Variants in ARHGEF10 observed in about 807,000 individuals in gnomAD.
ARHGEF10 encodes Rho guanine nucleotide exchange factor 10, also known as Rho guanine nucleotide exchange factor (GEF) 10.
ARHGEF10 carries 140 observed loss-of-function variants against 147.4 expected under a neutral mutation model. The ratio of observed to expected loss-of-function variants is 0.95; its 90% CI spans 0.83 to 1.09. ARHGEF10 has a LOEUF of 1.09. Among genes scored for constraint, ARHGEF10 ranks in the 50% least tolerant of loss-of-function variants. ARHGEF10 has a pLI of 0.00. For synonymous variants in ARHGEF10, 902 were observed against 695.8 expected, an observed-to-expected ratio of 1.30 and a Z score of -4.67; for missense variants, 2,222 against 1,752.7, an observed-to-expected ratio of 1.27 and a Z score of -4.78.
chr8:1,953,889 T>G (rs1815263160), intron 28 of ARHGEF10, among the ~76,000 whole-genome samples: 1 of 152,208 alleles, frequency 6.6e-6, no homozygotes, highest in East Asian at 1.9e-4. Flanking sequence ...AGAGCAGAAC[T>G]GTTCCTACGG....
chr8:1,842,040 ACT>A (rs1804127215), intron 1 of ARHGEF10, among the ~76,000 whole-genome samples: 1 of 118,848 alleles, frequency 8.4e-6, no homozygotes, highest in Non-Finnish European at 1.9e-5. Context: ...CGCGGCGGGA[ACT>A]GGGGCCGCGG....
chr8:1,887,712 G>T (rs185550595), intron 11 of ARHGEF10, among the ~76,000 whole-genome samples: 3 of 151,402 alleles, frequency 2.0e-5, no homozygotes, highest in Admixed American at 2.0e-4. Flanking sequence ...TGGGATGAGG[G>T]TTTGTGAGAA....
intron 11 of ARHGEF10, among the ~76,000 whole-genome samples, chr8:1,891,528 A>G (rs1006372479): frequency 2.6e-5 from 4 of 152,282 alleles, no homozygotes; most frequent in Admixed American, 2.0e-4. Flanking sequence ...TGAGGACATG[A>G]GGAAGGTCAG....
rs754314722 is a variant in ARHGEF10, at chr8:1,864,413, G to C, written c.522G>C (p.Leu174=). The C allele has an allele frequency of 7.2e-5, 116 of 1,614,020 alleles. No individual in the cohort carries two copies. The highest frequency in any genetic ancestry group is 9.3e-5 in the Non-Finnish European group (110 of 1,180,012). ...EVTEDRQPNS[L]SSEEPPTSED... Reference sequence around the variant, plus strand: ...CAGAAGATCGCCAGCCCAATTCTCTGAGTTCCGAGGAGCCTCCAACCAGGT... The same window carrying C: ...CAGAAGATCGCCAGCCCAATTCTCTCAGTTCCGAGGAGCCTCCAACCAGGT... Residue 174 remains leucine (L), a synonymous_variant, in exon 5 of 29, where the codon CTG becomes CTC. Transcript: ENST00000349830.
intron 26 of ARHGEF10, among the ~76,000 whole-genome samples, chr8:1,935,910 C>T (rs1019678660): frequency 6.6e-6 from 1 of 152,236 alleles, no homozygotes; most frequent in African/African-American, 2.4e-5. Context: ...CTGCGGAACA[C>T]TGTCCGAGCT....
chr8:1,888,761 G>T lies in ARHGEF10; in HGVS notation c.1182+3054G>T, dbSNP rs140975606. ...GTGAGGAGACACTGAATAGGGTGAGGTTTGTGAGGAGACACTGAGTGGGGT... is the reference window on the plus strand; with the variant it reads ...GTGAGGAGACACTGAATAGGGTGAGTTTTGTGAGGAGACACTGAGTGGGGT... On this transcript the variant is annotated intron_variant, in intron 11 of 28. Transcript: ENST00000349830. Among the ~76,000 whole-genome samples the T allele has an allele frequency of 3.2e-3, 196 of 60,716 alleles. 25 individuals are homozygous for T. The highest frequency in any genetic ancestry group is 7.1e-3 in the Middle Eastern group (1 of 140). The allele number at this position is 60,716 out of a possible 152,430, so 39.8% of individuals were successfully genotyped here.
chr8:1,832,829 C>G (rs1426997891), intron 1 of ARHGEF10, among the ~76,000 whole-genome samples: 4 of 51,308 alleles, frequency 7.8e-5, no homozygotes, highest in Admixed American at 4.6e-4. Flanking sequence ...GAGAGAGAGG[C>G]AGAGGCAGAG....
rs532662958 is a variant in ARHGEF10 at position 1,835,808 on chromosome 8, C to T, written c.-47-7545C>T. ...TATAGAAGGTGGGGCTGCGGCCTGA[C>T]GCACACGGCATGAAACGGTCCTTCA... is the stretch of plus-strand genomic sequence containing the variant. On this transcript the variant is annotated intron_variant, in intron 1 of 28. Coordinates refer to ENST00000349830, the MANE Select transcript of ARHGEF10 (RefSeq NM_014629.4). Among the ~76,000 whole-genome samples the T allele has an allele frequency of 1.3e-4, 20 of 152,318 alleles. No homozygotes were observed. In the South Asian group the frequency reaches 3.1e-3, roughly 24 times the overall value.
Position 1,952,760 on chromosome 8 carries a change from C to A in ARHGEF10, c.3453C>A (p.Val1151=), listed in dbSNP as rs766559600. ...SLLVCHGLLM[V]GTSLGVLVAL... ...TCGTCTGCCACGGATTGCTGATGGT[C>A]GGCACCAGCCTGGGAGTCCTCGTGG... Residue 1151 remains valine (V), a synonymous_variant, in exon 28 of 29, where the codon GTC becomes GTA. Coordinates refer to ENST00000349830, the MANE Select transcript of ARHGEF10 (RefSeq NM_014629.4). 5 of 1,613,298 alleles carry A rather than the reference C, an allele frequency of 3.1e-6. No homozygotes were observed. In the African/African-American group the frequency reaches 5.3e-5, roughly 17 times the overall value.
At chr8:1,944,661 CTG>C (rs1486271558) in intron 26 of ARHGEF10, among the ~76,000 whole-genome samples, 1 of 152,224 alleles carries the variant, frequency 6.6e-6, no homozygotes, top group Non-Finnish European at 1.5e-5. Context: ...CTTTAGATAA[CTG>C]TGCAGGATCG....
At chr8:1,862,431 C>T (rs1011851981) in intron 4 of ARHGEF10, among the ~76,000 whole-genome samples, 8 of 152,266 alleles carry the variant, frequency 5.3e-5, no homozygotes, top group South Asian at 2.1e-4. Flanking sequence ...TGTTTACGCA[C>T]GGGCTGTTGT....
intron 15 of ARHGEF10, among the ~76,000 whole-genome samples, chr8:1,899,139 G>C (rs777420056): frequency 6.6e-6 from 1 of 152,170 alleles, no homozygotes; most frequent in Admixed American, 6.5e-5. Context: ...GAGTGCTGAC[G>C]TGACGTCTCA....
rs116702063 is a variant in ARHGEF10, at chr8:1,883,308, G to A, written c.1075+559G>A. Among the ~76,000 whole-genome samples, 1,151 of 152,220 alleles carry A rather than the reference G, an allele frequency of 7.6e-3. 17 individuals are homozygous for A. Among genetic ancestry groups the A allele is most frequent in the African/African-American group, 0.026 (1,077 of 41,548 alleles). On this transcript the variant is annotated intron_variant, in intron 10 of 28. Coordinates refer to ENST00000349830, the MANE Select transcript of ARHGEF10 (RefSeq NM_014629.4). ...CAGGCTGGGGTCATTTACCGTCCGAGGAGACTTCTCGGAGCCTTTGTGCAC... is the reference window on the plus strand; with the variant it reads ...CAGGCTGGGGTCATTTACCGTCCGAAGAGACTTCTCGGAGCCTTTGTGCAC...
In ARHGEF10 at chr8:1,900,239, G is replaced by A. The variant is rs114036530; in HGVS notation, c.1650+1714G>A. On this transcript the variant is annotated intron_variant, in intron 15 of 28. Transcript: ENST00000349830. The stretch of plus-strand genomic sequence containing the variant: ...TACATTCTTTTAGACAGAAGGGGTG[G>A]GCGGGCTGCTGGAAACGGAACAGGA... Among the ~76,000 whole-genome samples, 348 of 152,242 alleles carry A rather than the reference G, an allele frequency of 2.3e-3. 2 individuals are homozygous for A. The highest frequency in any genetic ancestry group is 8.1e-3 in the African/African-American group (338 of 41,528).
intron 23 of ARHGEF10, chr8:1,926,691 AC>A (rs1812719920): frequency 5.1e-6 from 3 of 592,456 alleles, no homozygotes; most frequent in Non-Finnish European, 9.0e-6. Flanking sequence ...TTCATCTAAA[AC>A]ATTTACCAGA....
intron 4 of ARHGEF10, among the ~76,000 whole-genome samples, chr8:1,860,531 C>G (rs558134381): frequency 1.3e-4 from 20 of 152,226 alleles, no homozygotes; most frequent in Admixed American, 1.0e-3. Context: ...CCCCTGCCCC[C>G]ACCCAGGTCA....
At chr8:1,832,659 C>CAGAGGCAGAGGCAGAGGCAGAGACAGAG (rs1803231776) in intron 1 of ARHGEF10, among the ~76,000 whole-genome samples, 1 of 35,296 alleles carries the variant, frequency 2.8e-5, no homozygotes, top group African/African-American at 1.4e-4. Flanking sequence ...CAGAGAGAGA[C>CAGAGGCAGAGGCAGAGGCAGAGACAGAG]AGAGGCAGAG....
At chr8:1,831,119 A>T (rs1325341831) in intron 1 of ARHGEF10, among the ~76,000 whole-genome samples, 1 of 152,218 alleles carries the variant, frequency 6.6e-6, no homozygotes, top group Non-Finnish European at 1.5e-5. Context: ...CACGGGCCAG[A>T]CCCATGGAGG....
chr8:1,912,623 A>G (rs976997703), intron 18 of ARHGEF10, among the ~76,000 whole-genome samples: 1 of 152,196 alleles, frequency 6.6e-6, no homozygotes, highest in Non-Finnish European at 1.5e-5. Flanking sequence ...GGTGTTCGAC[A>G]TCCGGAGTTA....
Sources: gnomAD v4.1 joint callset for allele counts (sites outside exome capture counted in the v4.1 genomes callset) on GRCh38, gnomAD v4.1.1 for gene constraint, MANE v1.5 for transcripts, NCBI Gene and HGNC (gene_info 2026-07-23, HGNC 2026-07-21) for gene names.